Variants in ATXN10 observed in about 807,000 individuals in gnomAD.
ATXN10 encodes ataxin-10.
In ATXN10, 28 loss-of-function variants were observed where a neutral mutation model predicts 52.9. The ratio of observed to expected loss-of-function variants is 0.53; its 90% CI spans 0.39 to 0.73. The LOEUF is 0.73. Among genes scored for constraint, ATXN10 ranks in the 30% least tolerant of loss-of-function variants. The pLI is 0.00. For synonymous variants in ATXN10, 226 were observed against 221.5 expected (o/e 1.02, Z -0.18); for missense variants, 565 against 577.0 (o/e 0.98, Z 0.21).
At position 45,774,210 on chromosome 22, in the gene ATXN10, AC is replaced by A. The variant is rs1926873336; in HGVS notation, c.1174-32748del. Among the ~76,000 whole-genome samples, 1 of 152,198 alleles carries A rather than the reference AC, an allele frequency of 6.6e-6. No individual in the cohort carries two copies. The highest frequency in any genetic ancestry group is 1.5e-5 in the Non-Finnish European group (1 of 68,026). ...AGGCATGGTGGGGCACCTGCCTCCT[AC>A]TTGGCATTTCTGCTGGGGGAGTTTT... is the stretch of plus-strand genomic sequence containing the variant. On this transcript the variant is annotated intron_variant, in intron 9 of 11. Transcript: ENST00000252934. This position sits in a 1 kb window ranked among gnomAD's most constrained non-coding sequence, Gnocchi z 6.2.
chr22:45,832,673 G>A (rs1929031873), intron 10 of ATXN10, among the ~76,000 whole-genome samples: 1 of 152,198 alleles, frequency 6.6e-6, no homozygotes, highest in African/African-American at 2.4e-5. Flanking sequence ...TTAAATTTTT[G>A]AGAGACATTC....
intron 5 of ATXN10, among the ~76,000 whole-genome samples, chr22:45,713,083 TA>T (rs576824775): frequency 6.0e-5 from 9 of 150,112 alleles, no homozygotes; most frequent in East Asian, 3.9e-4. Flanking sequence ...TGACCTTCAT[TA>T]AAAAAAAAAT....
chr22:45,831,136 G>T (rs1213557664), intron 10 of ATXN10, among the ~76,000 whole-genome samples: 1 of 152,158 alleles, frequency 6.6e-6, no homozygotes, highest in African/African-American at 2.4e-5. Flanking sequence ...TTTATAAGAG[G>T]TACTTAGAGT....
At chr22:45,801,932 A>G (rs2146879454) in intron 9 of ATXN10, among the ~76,000 whole-genome samples, 1 of 152,182 alleles carries the variant, frequency 6.6e-6, no homozygotes, top group Non-Finnish European at 1.5e-5. Context: ...CTCTTGTTTC[A>G]TGTAAGAAAA....
rs929379624 is a variant in ATXN10 at position 45,840,330 on chromosome 22, TA to T, written c.1238-2655del. On this transcript the variant is annotated intron_variant, in intron 10 of 11. Transcript: ENST00000252934. The surrounding 1 kb of genome is among the most constrained non-coding windows in gnomAD (Gnocchi z 5.8). ...TACAATGCAGTGTGATGAGAACTGT[TA>T]AAAAAGAGAGAGAGAATGCATTGGA... 1.4e-5 allele frequency among the ~76,000 whole-genome samples: 2 copies of T among 148,128 alleles called. No individual in the cohort carries two copies. Among genetic ancestry groups the T allele is most frequent in the Admixed American group, 6.6e-5 (1 of 15,220 alleles).
In ATXN10 at chr22:45,759,583, C is replaced by T. The variant is rs1216970226; in HGVS notation, c.1173+19045C>T. The stretch of plus-strand genomic sequence containing the variant: ...TCCGTACTCTTCTTGTGCCATGAAG[C>T]AGGAGGAAAGGCCTCCTGAGGGAGC... On this transcript the variant is annotated intron_variant, in intron 9 of 11. Transcript: ENST00000252934. This position sits in a 1 kb window ranked among gnomAD's most constrained non-coding sequence, Gnocchi z 5.4. Among the ~76,000 whole-genome samples the T allele has an allele frequency of 2.0e-5, 3 of 152,132 alleles. No individual in the cohort carries two copies.
intron 10 of ATXN10, among the ~76,000 whole-genome samples, chr22:45,834,403 TG>T (rs925131219): frequency 1.3e-5 from 2 of 152,208 alleles, no homozygotes; most frequent in African/African-American, 4.8e-5. Context: ...GGACCTCCCC[TG>T]CCACCATCTG....
At chr22:45,729,303 A>T (rs905302960) in intron 6 of ATXN10, 122 bp from the exon 7 acceptor site, 27 of 994,110 alleles carry the variant, frequency 2.7e-5, no homozygotes, top group Non-Finnish European at 4.0e-5. Context: ...CTAGCTAGAC[A>T]TTAGAAGCAA....
chr22:45,822,584 G>T (rs113189387), intron 10 of ATXN10, among the ~76,000 whole-genome samples: 1 of 138,404 alleles, frequency 7.2e-6, no homozygotes, highest in Non-Finnish European at 1.5e-5. Context: ...AGGCTGGAGT[G>T]CAGTGGCACG....
Position 45,772,426 on chromosome 22 carries a change from C to T in ATXN10, c.1173+31888C>T, listed in dbSNP as rs536416714. Among the ~76,000 whole-genome samples the T allele has an allele frequency of 3.9e-5, 6 of 152,236 alleles. No homozygotes were observed. The highest frequency in any genetic ancestry group is 7.4e-5 in the Non-Finnish European group (5 of 68,008). ...TTTCCAGATATGCTATTTTGTTCGT[C>T]GATATTTGTGCCTGTCTCTTCACCA... On this transcript the variant is annotated intron_variant, in intron 9 of 11. Coordinates refer to ENST00000252934, the MANE Select transcript of ATXN10 (RefSeq NM_013236.4). The surrounding 1 kb of genome is among the most constrained non-coding windows in gnomAD (Gnocchi z 4.1).
chr22:45,839,660 G>A (rs548479432), intron 10 of ATXN10, among the ~76,000 whole-genome samples: 2 of 152,272 alleles, frequency 1.3e-5, no homozygotes, highest in African/African-American at 4.8e-5. Context: ...TTCACAAAAC[G>A]TGATAGAAAT....
chr22:45,764,594 CTAAGA>C (rs1926518772), intron 9 of ATXN10, among the ~76,000 whole-genome samples: 1 of 152,168 alleles, frequency 6.6e-6, no homozygotes, highest in Non-Finnish European at 1.5e-5. Flanking sequence ...TAGATTGAAG[CTAAGA>C]TAGAGTTTTC....
chr22:45,764,086 C>A (rs574015547), intron 9 of ATXN10, among the ~76,000 whole-genome samples: 2 of 152,332 alleles, frequency 1.3e-5, no homozygotes, highest in East Asian at 3.9e-4. Flanking sequence ...TCCTTCCTCA[C>A]GGTGCACACT....
At chr22:45,739,487 T>C (rs1014540797) in intron 8 of ATXN10, among the ~76,000 whole-genome samples, 1 of 152,230 alleles carries the variant, frequency 6.6e-6, no homozygotes, top group African/African-American at 2.4e-5. Flanking sequence ...TCTAGCAGTA[T>C]AGATGAGCTA....
intron 5 of ATXN10, among the ~76,000 whole-genome samples, chr22:45,707,080 C>G (rs1352321546): frequency 1.3e-5 from 2 of 152,092 alleles, no homozygotes; most frequent in African/African-American, 4.8e-5. Flanking sequence ...CTTCTTGATG[C>G]ATTGACCCTT....
chr22:45,814,005 A>T (rs1928374817), intron 10 of ATXN10, among the ~76,000 whole-genome samples: 1 of 152,248 alleles, frequency 6.6e-6, no homozygotes, highest in Non-Finnish European at 1.5e-5. Context: ...TTTAATGTCC[A>T]TAGTGGGGAA....
intron 3 of ATXN10, among the ~76,000 whole-genome samples, chr22:45,694,330 T>C (rs1345939567): frequency 1.3e-5 from 2 of 152,202 alleles, no homozygotes; most frequent in Non-Finnish European, 1.5e-5. Context: ...AAATACTTTA[T>C]GGGTAAACCT....
intron 10 of ATXN10, among the ~76,000 whole-genome samples, chr22:45,827,129 CCA>C (rs57068887): frequency 0.021 from 3,075 of 146,636 alleles, 50 homozygotes; most frequent in South Asian, 0.059. Context: ...CCCATGGTAA[CCA>C]CACACACACA....
In ATXN10 at chr22:45,740,482, C is replaced by T; in HGVS notation, c.1117C>T (p.His373Tyr). Reference protein sequence around the residue: ...ISNVANGFKSHLIRLIGNLCY... With the variant: ...ISNVANGFKSYLIRLIGNLCY... ...CAATGTGGCCAATGGGTTTAAGTCT[C>T]ATCTCATTCGTCTGATTGGAAATCT... Residue 373 changes from histidine (H) to tyrosine (Y), a missense_variant, in exon 9 of 12, where the codon CAT becomes TAT. Physicochemically the swap from His to Tyr is moderately conservative, Grantham distance 83. Transcript: ENST00000252934. 1.9e-6 allele frequency: 3 copies of T among 1,613,804 alleles called. No homozygotes were observed. The highest frequency in any genetic ancestry group is 2.5e-6 in the Non-Finnish European group (3 of 1,179,870).
Sources: allele counts gnomAD v4.1 joint callset (sites outside exome capture counted in the v4.1 genomes callset), GRCh38; gene constraint gnomAD v4.1.1; non-coding constraint Gnocchi (gnomAD v3.1); transcripts MANE v1.5; gene names NCBI Gene and HGNC (gene_info 2026-07-23, HGNC 2026-07-21).